The following CAV2 variants were observed in gnomAD, a reference collection of about 807,000 sequenced individuals.
CAV2 encodes the protein caveolin 2.
In CAV2, 7 loss-of-function variants were observed where a neutral mutation model predicts 15.5. The ratio of observed to expected loss-of-function variants is 0.45; its 90% CI spans 0.26 to 0.85. The LOEUF (loss-of-function observed/expected upper bound fraction) is 0.85, where lower values mean the gene tolerates loss of function less well. Among genes scored for constraint, CAV2 ranks in the 40% least tolerant of loss-of-function variants. The pLI, the probability that CAV2 is intolerant of heterozygous loss-of-function variation, is 0.18. For synonymous variants in CAV2, 76 were observed against 83.1 expected (o/e 0.91, Z 0.46); for missense variants, 229 against 208.8 (o/e 1.10, Z -0.60).
At position 116,501,686 on chromosome 7, in the gene CAV2, A is replaced by G. The variant is rs959216251; in HGVS notation, c.338+1239A>G. Among the ~76,000 whole-genome samples, 7 of 152,246 alleles carry G rather than the reference A, an allele frequency of 4.6e-5. 1 individual carries two copies. The South Asian group carries it at 1.2e-3, about 27-fold the overall frequency. ...GATGGACGCTGAGAAAACACAGTCA[A>G]CTGACAAAGAGGGAGGAACAGACAA... On this transcript the variant is annotated intron_variant, in intron 2 of 2. Transcript: ENST00000222693.
In CAV2 at chr7:116,501,021, C is replaced by T. The variant is rs537633158; in HGVS notation, c.338+574C>T. 212 of 152,348 alleles carry T rather than the reference C, an allele frequency of 1.4e-3. 1 individual carries two copies. The highest frequency in any genetic ancestry group is 2.6e-3 in the Non-Finnish European group (176 of 68,090). The allele number at this position is 152,348 out of a possible 1,614,324, so 9.4% of individuals were successfully genotyped here. A position where few individuals can be genotyped will look rare whatever the true frequency, so the allele number is the denominator to read the frequency against. ...GTGCAGTTAAGGCGAGGGTCCCCCC[C>T]AGTACAAACGAATGAAAACTCCAGC... On this transcript the variant is annotated intron_variant, in intron 2 of 2. Coordinates refer to ENST00000222693, the MANE Select transcript of CAV2 (RefSeq NM_001233.5).
intron 2 of CAV2, among the ~76,000 whole-genome samples, chr7:116,505,163 C>G (rs1793203881): frequency 6.6e-6 from 1 of 152,126 alleles, no homozygotes; most frequent in South Asian, 2.1e-4. Flanking sequence ...CCGATCTAGC[C>G]TGGTCCAGGA....
intron 2 of CAV2, among the ~76,000 whole-genome samples, chr7:116,501,690 A>C (rs1440246205): frequency 1.3e-5 from 2 of 152,222 alleles, no homozygotes; most frequent in East Asian, 3.8e-4. Context: ...CAGTCAACTG[A>C]CAAAGAGGGA....
intron 2 of CAV2, among the ~76,000 whole-genome samples, chr7:116,502,004 ATCATCTAACCTCTATGTCAGTTTTC>A (rs1793116572): frequency 6.6e-6 from 1 of 152,144 alleles, no homozygotes; most frequent in Non-Finnish European, 1.5e-5. Context: ...ACTAAAACTA[ATCATCTAACCTCTATGTCAGTTTTC>A]TCACTTTCAA....
chr7:116,502,014 C>T (rs1239533832), intron 2 of CAV2, among the ~76,000 whole-genome samples: 1 of 152,106 alleles, frequency 6.6e-6, no homozygotes, highest in Non-Finnish European at 1.5e-5. Flanking sequence ...ATCATCTAAC[C>T]TCTATGTCAG....
intron 2 of CAV2, 62 bp from the exon 3 acceptor site, chr7:116,505,909 A>G (rs1793223795): frequency 3.3e-6 from 4 of 1,195,528 alleles, no homozygotes; most frequent in Admixed American, 3.8e-5. Context: ...TCATACATGT[A>G]CAAGACAGAC....
At position 116,500,452 on chromosome 7, in the gene CAV2, G is replaced by C; in HGVS notation, c.338+5G>C. On this transcript the variant is annotated splice_donor_5th_base_variant and intron_variant, in intron 2 of 2. Coordinates refer to ENST00000222693, the MANE Select transcript of CAV2 (RefSeq NM_001233.5). ...CCTCAGCTGTCTGCACATCTGGTGA[G>C]ACGGGGCACACCGGGTGGACCGGCT... 2 of 1,610,072 alleles carry C rather than the reference G, an allele frequency of 1.2e-6. No individual in the cohort carries two copies. Among genetic ancestry groups the C allele is most frequent in the Non-Finnish European group, 8.5e-7 (1 of 1,178,370 alleles).
intron 2 of CAV2, chr7:116,500,710 G>A (rs62468993): frequency 0.074 from 30,746 of 416,542 alleles, 1,340 homozygotes; most frequent in Non-Finnish European, 0.09. Flanking sequence ...GCTGGGCTGA[G>A]TGTGGAGGCG....
In CAV2 at chr7:116,506,941, A is replaced by T. The variant is rs2116141863; in HGVS notation, c.*820A>T. ...TAAAAGATAAAAGAGCGATACACAA[A>T]GCTTTCTTTTCTAACTTTTCCAAGC... On this transcript the variant is annotated 3_prime_UTR_variant, in exon 3 of 3. Transcript: ENST00000222693. 1 of 152,364 alleles carries T rather than the reference A, an allele frequency of 6.6e-6. No individual in the cohort carries two copies. The highest frequency in any genetic ancestry group is 1.9e-4 in the East Asian group (1 of 5,186). The allele number at this position is 152,364 out of a possible 1,614,324, so 9.4% of individuals were successfully genotyped here. A position where few individuals can be genotyped will look rare whatever the true frequency, so the allele number is the denominator to read the frequency against.
intron 2 of CAV2, among the ~76,000 whole-genome samples, chr7:116,504,192 AG>A (rs151134351): frequency 0.058 from 8,783 of 152,178 alleles, 354 homozygotes; most frequent in Non-Finnish European, 0.087. Context: ...CCTTCAAAAT[AG>A]GTCTATTTAT....
rs2115865876 is a variant in CAV2 at position 116,507,527 on chromosome 7, G to T, written c.*1406G>T. 1 of 152,174 alleles carries T rather than the reference G, an allele frequency of 6.6e-6. No individual in the cohort carries two copies. Among genetic ancestry groups the T allele is most frequent in the East Asian group, 1.9e-4 (1 of 5,168 alleles). 9.4% of individuals were successfully genotyped at this position (152,174 alleles called of 1,614,324 possible). ...CTCTACTAAAAATACAAAAAAATTA[G>T]TTGGGCATGGTGGCATGCACCTGTA... On this transcript the variant is annotated 3_prime_UTR_variant, in exon 3 of 3. Coordinates refer to ENST00000222693, the MANE Select transcript of CAV2 (RefSeq NM_001233.5).
At chr7:116,504,474 C>T (rs1336196826) in intron 2 of CAV2, among the ~76,000 whole-genome samples, 1 of 152,128 alleles carries the variant, frequency 6.6e-6, no homozygotes, top group Admixed American at 6.5e-5. Context: ...AAATAAAACA[C>T]AATTTGTGGA....
At chr7:116,502,325 C>T (rs1563085413) in intron 2 of CAV2, among the ~76,000 whole-genome samples, 2 of 152,250 alleles carry the variant, frequency 1.3e-5, no homozygotes, top group East Asian at 3.9e-4. Context: ...TTTTTAGCCA[C>T]ATAAAATGTA....
At chr7:116,503,001 C>T (rs897894624) in intron 2 of CAV2, among the ~76,000 whole-genome samples, 1 of 152,048 alleles carries the variant, frequency 6.6e-6, no homozygotes, top group Non-Finnish European at 1.5e-5. Context: ...GCGATAGTAG[C>T]AATCTCATTT....
chr7:116,501,812 C>T (rs1485574371), intron 2 of CAV2, among the ~76,000 whole-genome samples: 1 of 152,204 alleles, frequency 6.6e-6, no homozygotes, highest in East Asian at 1.9e-4. Context: ...TTAATTTTAT[C>T]ACTAAAGGTT....
At chr7:116,500,468 T>G (rs763373636) in intron 2 of CAV2, 21 bp downstream of exon 2, 1 of 1,605,082 alleles carries the variant, frequency 6.2e-7, no homozygotes, top group East Asian at 2.2e-5. Context: ...GCACACCGGG[T>G]GGACCGGCTT....
In CAV2 at chr7:116,508,169, A is replaced by AT. The variant is rs1290338527; in HGVS notation, c.*2054dup. 3 of 152,202 alleles carry AT rather than the reference A, an allele frequency of 2.0e-5. No homozygotes were observed. The highest frequency in any genetic ancestry group is 4.4e-5 in the Non-Finnish European group (3 of 68,036). 9.4% of individuals were successfully genotyped at this position (152,202 alleles called of 1,614,324 possible). On this transcript the variant is annotated 3_prime_UTR_variant, in exon 3 of 3. Coordinates refer to ENST00000222693, the MANE Select transcript of CAV2 (RefSeq NM_001233.5). ...ATAGTTATGTCTTGTATTTAAAAAC[A>AT]TTTTTTATACATTTGGTTATGTTGA...
At chr7:116,502,210 A>G (rs1485360478) in intron 2 of CAV2, among the ~76,000 whole-genome samples, 1 of 152,254 alleles carries the variant, frequency 6.6e-6, no homozygotes, top group African/African-American at 2.4e-5. Flanking sequence ...GAAAGATATA[A>G]GTAAAACTAC....
At chr7:116,503,284 G>C (rs540310536) in intron 2 of CAV2, among the ~76,000 whole-genome samples, 15 of 152,044 alleles carry the variant, frequency 9.9e-5, no homozygotes, top group African/African-American at 3.1e-4. Flanking sequence ...TTGTGATGTT[G>C]AGAACCCAAC....
Sources: allele counts gnomAD v4.1 joint callset (sites outside exome capture counted in the v4.1 genomes callset), GRCh38; gene constraint gnomAD v4.1.1; transcripts MANE v1.5; gene names NCBI Gene and HGNC (gene_info 2026-07-23, HGNC 2026-07-21).